ME3: variants seen among roughly 807,000 people sequenced by gnomAD.
ME3 encodes malic enzyme 3.
ME3 carries 48 observed loss-of-function variants against 68.9 expected under a neutral mutation model. That is an observed-to-expected ratio of 0.70 (90% CI 0.55 to 0.89). The LOEUF is 0.89. Among genes scored for constraint, ME3 ranks in the 40% least tolerant of loss-of-function variants. The pLI, the probability that ME3 is intolerant of heterozygous loss-of-function variation, is 0.00. For synonymous variants in ME3, 320 were observed against 318.8 expected, an observed-to-expected ratio of 1.00 and a Z score of -0.04; for missense variants, 675 against 797.4, an observed-to-expected ratio of 0.85 and a Z score of 1.85.
intron 2 of ME3, among the ~76,000 whole-genome samples, chr11:86,615,469 C>G (rs1455113988): frequency 6.6e-6 from 1 of 152,148 alleles, no homozygotes; most frequent in Admixed American, 6.5e-5. Flanking sequence ...GACTCAACAT[C>G]AGGTAGTAAC....
intron 7 of ME3, among the ~76,000 whole-genome samples, chr11:86,485,934 C>T (rs1462418887): frequency 6.6e-6 from 1 of 152,198 alleles, no homozygotes; most frequent in Non-Finnish European, 1.5e-5. Context: ...GAGAGCTGCC[C>T]AGTGATCATG....
At chr11:86,506,047 A>G (rs1289362407) in intron 5 of ME3, among the ~76,000 whole-genome samples, 2 of 152,228 alleles carry the variant, frequency 1.3e-5, no homozygotes, top group African/African-American at 4.8e-5. Flanking sequence ...GGGCTCCTAT[A>G]CATTCTCTGT....
At chr11:86,438,645 A>G (rs193220154), downstream of ME3, among the ~76,000 whole-genome samples, 1 of 152,230 alleles carries the variant, frequency 6.6e-6, no homozygotes, top group East Asian at 1.9e-4. Flanking sequence ...TTCTTTACTT[A>G]TTATAGGTAT....
At chr11:86,609,806 G>A (rs531653742) in intron 2 of ME3, among the ~76,000 whole-genome samples, 1 of 152,300 alleles carries the variant, frequency 6.6e-6, no homozygotes, top group East Asian at 1.9e-4. Context: ...GTTTACTGAT[G>A]TGATGGAATG....
chr11:86,529,846 G>C (rs28895937), intron 4 of ME3, among the ~76,000 whole-genome samples: 25,496 of 152,056 alleles, frequency 0.17, 2,336 homozygotes, highest in African/African-American at 0.24. Context: ...GTATTGATGG[G>C]ACATATCTCA....
Position 86,595,332 on chromosome 11 carries a change from G to GA in ME3, c.184-35510_184-35509insT, listed in dbSNP as rs1565186315. On this transcript the variant is annotated intron_variant, in intron 2 of 14. Coordinates refer to ENST00000543262, the Ensembl canonical transcript of ME3. ...AGAGAGAGAGAGAGAGAGAGAGAGA[G>GA]CTTATTATGTATCAGTCACTGGTCC... Among the ~76,000 whole-genome samples the GA allele has an allele frequency of 3.0e-3, 400 of 134,378 alleles. 35 individuals carry two copies. Among genetic ancestry groups the GA allele is most frequent in the African/African-American group, 9.9e-3 (358 of 36,142 alleles). The allele number at this position is 134,378 out of a possible 152,430, so 88.2% of individuals were successfully genotyped here. A position where few individuals can be genotyped will look rare whatever the true frequency, so the allele number is the denominator to read the frequency against.
chr11:86,573,155 G>C (rs865916305), intron 2 of ME3, among the ~76,000 whole-genome samples: 1 of 152,138 alleles, frequency 6.6e-6, no homozygotes, highest in African/African-American at 2.4e-5. Flanking sequence ...TTTTGTTTAA[G>C]TTCCTTGTAG....
At chr11:86,489,651 C>T (rs1037777320) in intron 6 of ME3, among the ~76,000 whole-genome samples, 5 of 152,094 alleles carry the variant, frequency 3.3e-5, no homozygotes, top group Non-Finnish European at 7.4e-5. Context: ...CCTGCCCAAC[C>T]GAGACTCTGC....
chr11:86,588,986 A>G (rs933101476), intron 2 of ME3, among the ~76,000 whole-genome samples: 6 of 152,132 alleles, frequency 3.9e-5, no homozygotes, highest in African/African-American at 9.7e-5. Context: ...GGCCTGCTCC[A>G]TGCACTCTGC....
chr11:86,550,426 G>C (rs1464358711), intron 4 of ME3, among the ~76,000 whole-genome samples: 5 of 152,162 alleles, frequency 3.3e-5, no homozygotes, highest in Non-Finnish European at 7.3e-5. Context: ...CAAGAACCCA[G>C]ATCTCCTGAC....
At chr11:86,510,923 T>G (rs1336083761) in intron 4 of ME3, among the ~76,000 whole-genome samples, 3 of 152,202 alleles carry the variant, frequency 2.0e-5, no homozygotes, top group Non-Finnish European at 4.4e-5. Flanking sequence ...AAGACAAAAC[T>G]GATTCTCTTT....
intron 7 of ME3, among the ~76,000 whole-genome samples, chr11:86,476,858 C>G (rs1304610177): frequency 6.6e-6 from 1 of 151,960 alleles, no homozygotes; most frequent in Non-Finnish European, 1.5e-5. Flanking sequence ...AGGTTTAGCA[C>G]TGGGGAAGAG....
At chr11:86,441,185 C>T (rs1024843002) in exon 15 of ME3, 37 of 1,226,914 alleles carry the variant, frequency 3.0e-5, no homozygotes, top group South Asian at 1.0e-4. Context: ...AAAAACACAG[C>T]GACAAGGATT....
chr11:86,551,893 C>G (rs940704652), intron 4 of ME3, among the ~76,000 whole-genome samples: 1 of 152,226 alleles, frequency 6.6e-6, no homozygotes, highest in African/African-American at 2.4e-5. Context: ...CCTCACCTTT[C>G]TAACTCATCA....
Position 86,471,141 on chromosome 11 carries a change from C to CTTTTTT in ME3, c.810-5947_810-5942dup, listed in dbSNP as rs1163128094. ...CCTACTTAAACTGTAAGGCCCAGAG[C>CTTTTTT]TTTTTTTTTTTTTTTTTTTTTTTTT... is the stretch of plus-strand genomic sequence containing the variant. On this transcript the variant is annotated intron_variant, in intron 7 of 14. Coordinates refer to ENST00000543262, the Ensembl canonical transcript of ME3. Among the ~76,000 whole-genome samples the CTTTTTT allele has an allele frequency of 1.3e-4, 10 of 75,036 alleles. 2 individuals are homozygous for CTTTTTT. Among genetic ancestry groups the CTTTTTT allele is most frequent in the Admixed American group, 1.5e-4 (1 of 6,768 alleles). The allele number at this position is 75,036 out of a possible 152,430, so 49.2% of individuals were successfully genotyped here.
chr11:86,551,600 C>T (rs141987904), intron 4 of ME3, among the ~76,000 whole-genome samples: 1 of 152,316 alleles, frequency 6.6e-6, no homozygotes, highest in African/African-American at 2.4e-5. Context: ...GTTTTCATCT[C>T]AGTGAAATAA....
intron 2 of ME3, among the ~76,000 whole-genome samples, chr11:86,641,223 A>AAAAAACAG (rs1442545640): frequency 6.6e-6 from 1 of 152,234 alleles, no homozygotes; most frequent in Non-Finnish European, 1.5e-5. Context: ...TTTGAAAAGA[A>AAAAAACAG]AAAAACAGAA....
Position 86,523,386 on chromosome 11 carries a change from CA to C in ME3, c.468-14520del, listed in dbSNP as rs576980728. On this transcript the variant is annotated intron_variant, in intron 4 of 14. Coordinates refer to ENST00000543262, the Ensembl canonical transcript of ME3. ...TAGTAAGGGAAAGCAGGTAAGAAACCATTGTGCCTTCTTGCCTTTCTTGTTG... is the reference window on the plus strand; with the variant it reads ...TAGTAAGGGAAAGCAGGTAAGAAACCTTGTGCCTTCTTGCCTTTCTTGTTG... Among the ~76,000 whole-genome samples, 4 of 152,220 alleles carry C rather than the reference CA, an allele frequency of 2.6e-5. No homozygotes were observed. In the South Asian group the frequency reaches 8.3e-4, roughly 32 times the overall value.
chr11:86,539,341 A>G (rs998500415), intron 4 of ME3, among the ~76,000 whole-genome samples: 1 of 152,166 alleles, frequency 6.6e-6, no homozygotes, highest in Admixed American at 6.6e-5. Context: ...CAACAATTCA[A>G]TGGAGGGATT....
Sources: allele counts gnomAD v4.1 joint callset (sites outside exome capture counted in the v4.1 genomes callset), GRCh38; gene constraint gnomAD v4.1.1; transcripts MANE v1.5; gene names NCBI Gene and HGNC (gene_info 2026-07-23, HGNC 2026-07-21).